KCNMA1: variants seen among roughly 807,000 people sequenced by gnomAD.
KCNMA1 encodes the protein potassium calcium-activated channel subfamily M alpha 1, also known as Calcium-activated potassium channel subunit alpha-1.
Under a neutral mutation model 140.0 loss-of-function variants are expected in KCNMA1, and 29 were observed. That is an observed-to-expected ratio of 0.21 (90% CI 0.15 to 0.28). The LOEUF (loss-of-function observed/expected upper bound fraction) is 0.28. KCNMA1 is among the 10% of genes least tolerant of loss of function. The pLI is 1.00. For missense variants in KCNMA1, 880 were observed against 1,602.2 expected (o/e 0.55, Z 7.70); for synonymous variants, 612 against 611.9 (o/e 1.00, Z 0.00).
chr10:77,292,666 C>T (rs572321253), intron 2 of KCNMA1, among the ~76,000 whole-genome samples: 50 of 152,298 alleles, frequency 3.3e-4, no homozygotes, highest in African/African-American at 1.1e-3. Flanking sequence ...TGTCAACCTC[C>T]GGGTTGCCCT....
chr10:76,963,982 T>C (rs1167594209), intron 20 of KCNMA1, among the ~76,000 whole-genome samples: 1 of 152,112 alleles, frequency 6.6e-6, no homozygotes, highest in African/African-American at 2.4e-5. Context: ...TGGTTCCAAC[T>C]GGATCTGCCT....
intron 2 of KCNMA1, among the ~76,000 whole-genome samples, chr10:77,256,261 C>T (rs969462962): frequency 2.0e-4 from 31 of 152,212 alleles, no homozygotes; most frequent in Non-Finnish European, 1.0e-4. Flanking sequence ...ATGCTTTCAG[C>T]GGGTGTGTGA....
At chr10:76,931,603 G>A (rs1324121976) in intron 23 of KCNMA1, among the ~76,000 whole-genome samples, 1 of 152,050 alleles carries the variant, frequency 6.6e-6, no homozygotes, top group African/African-American at 2.4e-5. Flanking sequence ...CTGGAAGGGT[G>A]TCACTTCACC....
chr10:77,254,399 T>A (rs995115899), intron 2 of KCNMA1, among the ~76,000 whole-genome samples: 1 of 151,976 alleles, frequency 6.6e-6, no homozygotes, highest in African/African-American at 2.4e-5. Flanking sequence ...TTTTTTGTAT[T>A]TTTAGTAGAG....
At chr10:77,614,593 T>A (rs1351523706) in intron 1 of KCNMA1, among the ~76,000 whole-genome samples, 1 of 152,142 alleles carries the variant, frequency 6.6e-6, no homozygotes, top group Non-Finnish European at 1.5e-5. Context: ...ACCTACTGAG[T>A]ATTTTTCATG....
At chr10:77,538,602 T>C (rs1716546086) in intron 1 of KCNMA1, among the ~76,000 whole-genome samples, 1 of 152,152 alleles carries the variant, frequency 6.6e-6, no homozygotes, top group South Asian at 2.1e-4. Context: ...TCTTGGAGAA[T>C]GCCAGTACTA....
chr10:77,419,336 C>T (rs2096819010), intron 1 of KCNMA1, among the ~76,000 whole-genome samples: 1 of 152,206 alleles, frequency 6.6e-6, no homozygotes, highest in African/African-American at 2.4e-5. Context: ...TAACAACTAA[C>T]CATCCAGCCC....
chr10:77,128,074 T>A (rs2097779413), intron 5 of KCNMA1, among the ~76,000 whole-genome samples: 1 of 152,140 alleles, frequency 6.6e-6, no homozygotes, highest in Non-Finnish European at 1.5e-5. Flanking sequence ...TCTTAACAAA[T>A]GAAGCTAATT....
At chr10:77,377,978 T>G (rs2095233691) in intron 2 of KCNMA1, among the ~76,000 whole-genome samples, 1 of 152,204 alleles carries the variant, frequency 6.6e-6, no homozygotes, top group Non-Finnish European at 1.5e-5. Context: ...ATTTGCCCTT[T>G]CCAGCATCAC....
intron 15 of KCNMA1, among the ~76,000 whole-genome samples, chr10:77,037,958 G>A (rs1006195412): frequency 6.6e-6 from 1 of 152,062 alleles, no homozygotes; most frequent in Non-Finnish European, 1.5e-5. Flanking sequence ...TCAAAGAAAG[G>A]CACACATGGG....
chr10:77,217,915 AC>A, intron 3 of KCNMA1, among the ~76,000 whole-genome samples: 1 of 152,290 alleles, frequency 6.6e-6, no homozygotes, highest in East Asian at 1.9e-4. Flanking sequence ...ATGTCATGAG[AC>A]CAAAATGCTT....
At chr10:77,607,339 A>C (rs2084908930) in intron 1 of KCNMA1, among the ~76,000 whole-genome samples, 1 of 152,116 alleles carries the variant, frequency 6.6e-6, no homozygotes, top group African/African-American at 2.4e-5. Context: ...TGCCTCACTG[A>C]TTCCCATAAA....
intron 1 of KCNMA1, among the ~76,000 whole-genome samples, chr10:77,562,169 T>C (rs1194372033): frequency 6.6e-6 from 1 of 152,246 alleles, no homozygotes; most frequent in East Asian, 1.9e-4. Flanking sequence ...GATGCTGATG[T>C]GCATGCACGG....
At chr10:77,335,621 C>A (rs1021408612) in intron 2 of KCNMA1, among the ~76,000 whole-genome samples, 2 of 152,120 alleles carry the variant, frequency 1.3e-5, no homozygotes, top group African/African-American at 2.4e-5. Flanking sequence ...GGCTGGGGTG[C>A]AGAAATTGCA....
intron 1 of KCNMA1, among the ~76,000 whole-genome samples, chr10:77,604,271 A>G (rs894894287): frequency 1.3e-5 from 2 of 152,246 alleles, no homozygotes; most frequent in African/African-American, 4.8e-5. Flanking sequence ...ACACTAAACT[A>G]TCACCTGCAA....
chr10:77,477,194 C>T (rs765884560), intron 1 of KCNMA1, among the ~76,000 whole-genome samples: 3 of 152,190 alleles, frequency 2.0e-5, no homozygotes, highest in African/African-American at 4.8e-5. Flanking sequence ...CATGATAAAA[C>T]ACAGGAACAG....
intron 2 of KCNMA1, among the ~76,000 whole-genome samples, chr10:77,319,112 G>T (rs1292587254): frequency 9.9e-5 from 15 of 152,186 alleles, no homozygotes; most frequent in Admixed American, 9.8e-4. Flanking sequence ...AAGCTAGGAG[G>T]AAAAATAACA....
intron 1 of KCNMA1, among the ~76,000 whole-genome samples, chr10:77,429,807 T>C (rs1434762630): frequency 1.3e-5 from 2 of 152,088 alleles, no homozygotes; most frequent in African/African-American, 2.4e-5. Context: ...ATCTATCATA[T>C]ATGTATATAT....
intron 14 of KCNMA1, among the ~76,000 whole-genome samples, chr10:77,048,712 A>G (rs924505417): frequency 2.0e-5 from 3 of 152,226 alleles, no homozygotes; most frequent in Non-Finnish European, 4.4e-5. Context: ...AATACTCCTT[A>G]GAGTATTTAA....
Sources: allele counts gnomAD v4.1 joint callset (sites outside exome capture counted in the v4.1 genomes callset), GRCh38; gene constraint gnomAD v4.1.1; transcripts MANE v1.5; gene names NCBI Gene and HGNC (gene_info 2026-07-23, HGNC 2026-07-21).